MEF2C: variants seen among roughly 807,000 people sequenced by gnomAD.
The protein encoded by MEF2C is myocyte-specific enhancer factor 2C.
In MEF2C, 6 loss-of-function variants were observed where a neutral mutation model predicts 50.5. The ratio of observed to expected loss-of-function variants is 0.12; its 90% CI spans 0.07 to 0.23. The LOEUF (loss-of-function observed/expected upper bound fraction) is 0.23. Ranked by LOEUF, MEF2C falls within the 10% of genes least tolerant of loss-of-function variation. The probability of loss-of-function intolerance (pLI) is 1.00; values close to 1 mark genes in which losing one functional copy is unlikely to be tolerated. For missense variants in MEF2C, 276 were observed against 605.0 expected, an observed-to-expected ratio of 0.46 and a Z score of 5.70; for synonymous variants, 183 against 228.0, an observed-to-expected ratio of 0.80 and a Z score of 1.78.
At chr5:88,828,800 T>G (rs1251488791) in intron 1 of MEF2C, among the ~76,000 whole-genome samples, 1 of 152,042 alleles carries the variant, frequency 6.6e-6, no homozygotes, top group African/African-American at 2.4e-5. Context: ...GGAGCTATTC[T>G]GAACTTCAAA....
intron 1 of MEF2C, among the ~76,000 whole-genome samples, chr5:88,835,445 A>G (rs770685504): frequency 6.6e-6 from 1 of 152,178 alleles, no homozygotes; most frequent in Non-Finnish European, 1.5e-5. Context: ...CCTCAAGCCC[A>G]ACAGATTAAT....
At chr5:88,801,516 G>C (rs546061227) in intron 3 of MEF2C, among the ~76,000 whole-genome samples, 4 of 149,854 alleles carry the variant, frequency 2.7e-5, no homozygotes, top group Non-Finnish European at 5.9e-5. Context: ...TTTTTGAGAC[G>C]GAGTCTCACC....
At chr5:88,852,790 T>C (rs1460504973) in intron 1 of MEF2C, among the ~76,000 whole-genome samples, 1 of 152,122 alleles carries the variant, frequency 6.6e-6, no homozygotes, top group Admixed American at 6.5e-5. Flanking sequence ...TGGTGCACAC[T>C]TGTAATCCCA....
intron 1 of MEF2C, among the ~76,000 whole-genome samples, chr5:88,861,398 T>C (rs1363543403): frequency 6.6e-6 from 1 of 152,234 alleles, no homozygotes; most frequent in Non-Finnish European, 1.5e-5. Context: ...ATGAATCATA[T>C]TAAAACTCTT....
At chr5:88,900,590 T>G (rs770462) in intron 1 of MEF2C, among the ~76,000 whole-genome samples, 2,341 of 152,064 alleles carry the variant, frequency 0.015, 58 homozygotes, top group African/African-American at 0.053. Context: ...GATGTTTTAG[T>G]ACATTTATAG....
intron 1 of MEF2C, among the ~76,000 whole-genome samples, chr5:88,865,368 T>G (rs1826954705): frequency 6.6e-6 from 1 of 152,136 alleles, no homozygotes; most frequent in South Asian, 2.1e-4. Context: ...TGTGAGAAAC[T>G]TAGTTGATTT....
At chr5:88,727,674 T>C (rs1190088346) in intron 10 of MEF2C, among the ~76,000 whole-genome samples, 1 of 152,184 alleles carries the variant, frequency 6.6e-6, no homozygotes, top group Non-Finnish European at 1.5e-5. Context: ...TATCTTTAAA[T>C]ATTTTATATC....
intron 2 of MEF2C, among the ~76,000 whole-genome samples, chr5:88,817,157 C>T (rs1805833652): frequency 6.6e-6 from 1 of 151,970 alleles, no homozygotes; most frequent in South Asian, 2.1e-4. Context: ...TATCCAGTTA[C>T]TCACATTTAA....
chr5:88,760,707 T>C (rs1777459860), intron 4 of MEF2C, among the ~76,000 whole-genome samples: 1 of 152,228 alleles, frequency 6.6e-6, no homozygotes, highest in Non-Finnish European at 1.5e-5. Context: ...ATGGACTGTG[T>C]GTTTAAAAGA....
At chr5:88,771,512 A>G (rs1561933593) in intron 3 of MEF2C, 2 of 985,170 alleles carry the variant, frequency 2.0e-6, no homozygotes, top group Non-Finnish European at 2.4e-6. Flanking sequence ...TATATGTGGT[A>G]TGTTATACTG....
chr5:88,799,039 C>T lies in MEF2C; in HGVS notation c.258+5559G>A, dbSNP rs1562099672. Among the ~76,000 whole-genome samples, 3 of 152,298 alleles carry T rather than the reference C, an allele frequency of 2.0e-5. No homozygotes were observed. The East Asian group carries it at 5.8e-4, about 29-fold the overall frequency. On this transcript the variant is annotated intron_variant, in intron 3 of 10. Coordinates refer to ENST00000504921, the MANE Select transcript of MEF2C (RefSeq NM_002397.5). ...AGCTTCGTCCCAGAGTGGCACCCAC[C>T]AGTTGCCAGCCGGAGCTCTCTCGTA...
intron 1 of MEF2C, among the ~76,000 whole-genome samples, chr5:88,835,983 A>G (rs962121406): frequency 2.0e-5 from 3 of 152,132 alleles, no homozygotes; most frequent in African/African-American, 7.2e-5. Flanking sequence ...TTAGGGGTAT[A>G]TATTTTCAAT....
At chr5:88,860,207 C>G (rs1234679278) in intron 1 of MEF2C, among the ~76,000 whole-genome samples, 1 of 152,084 alleles carries the variant, frequency 6.6e-6, no homozygotes, top group African/African-American at 2.4e-5. Flanking sequence ...TGGAAAGTGC[C>G]AAAGAAATGA....
At chr5:88,818,847 C>A (rs563455870) in intron 2 of MEF2C, among the ~76,000 whole-genome samples, 6 of 152,012 alleles carry the variant, frequency 3.9e-5, no homozygotes, top group Non-Finnish European at 7.4e-5. Flanking sequence ...CTTTATTGTG[C>A]TACACAGTAC....
At chr5:88,753,867 T>C (rs949979560) in intron 4 of MEF2C, among the ~76,000 whole-genome samples, 2 of 152,352 alleles carry the variant, frequency 1.3e-5, no homozygotes, top group Admixed American at 1.3e-4. Context: ...GCCTTACATG[T>C]CCAGCCCCCT....
At chr5:88,743,722 T>C in intron 6 of MEF2C, 1 of 985,448 alleles carries the variant, frequency 1.0e-6, no homozygotes, top group Non-Finnish European at 1.2e-6. Context: ...CACTGCTCAA[T>C]ATTTATCCAC....
At chr5:88,832,022 T>C (rs1813258798) in intron 1 of MEF2C, among the ~76,000 whole-genome samples, 1 of 152,146 alleles carries the variant, frequency 6.6e-6, no homozygotes, top group Admixed American at 6.6e-5. Context: ...TTTATTTTCT[T>C]AAAGCCAGTT....
intron 10 of MEF2C, among the ~76,000 whole-genome samples, chr5:88,726,751 T>C (rs1758985141): frequency 6.6e-6 from 1 of 152,192 alleles, no homozygotes; most frequent in South Asian, 2.1e-4. Context: ...CCTTTCTCAT[T>C]TTCTGAAACC....
At chr5:88,833,261 A>T (rs1295045805) in intron 1 of MEF2C, among the ~76,000 whole-genome samples, 2 of 152,192 alleles carry the variant, frequency 1.3e-5, no homozygotes, top group African/African-American at 4.8e-5. Flanking sequence ...ACTGACTTTT[A>T]AAAATGTGTA....
Sources: allele counts gnomAD v4.1 joint callset (sites outside exome capture counted in the v4.1 genomes callset), GRCh38; gene constraint gnomAD v4.1.1; transcripts MANE v1.5; gene names NCBI Gene and HGNC (gene_info 2026-07-23, HGNC 2026-07-21).